GABRR3: variants seen among roughly 807,000 people sequenced by gnomAD.
GABRR3 encodes the protein gamma-aminobutyric acid type A receptor subunit rho3, also known as gamma-aminobutyric acid receptor subunit rho-3.
Under a neutral mutation model 43.2 loss-of-function variants are expected in GABRR3, and 29 were observed. That is an observed-to-expected ratio of 0.67 (90% CI 0.50 to 0.92). The LOEUF (loss-of-function observed/expected upper bound fraction) is 0.92. Among genes scored for constraint, GABRR3 ranks in the 40% least tolerant of loss-of-function variants. GABRR3 has a pLI of 0.00. For synonymous variants in GABRR3, 206 were observed against 195.9 expected (o/e 1.05, Z -0.43); for missense variants, 576 against 572.3 (o/e 1.01, Z -0.07).
At chr3:98,028,773 C>G (rs1189890761) in intron 2 of GABRR3, among the ~76,000 whole-genome samples, 1 of 152,084 alleles carries the variant, frequency 6.6e-6, no homozygotes, top group African/African-American at 2.4e-5. Context: ...CCCTCAGATA[C>G]CTTGCATCTA....
chr3:98,006,171 T>C (rs1706722373), intron 7 of GABRR3, among the ~76,000 whole-genome samples: 1 of 152,070 alleles, frequency 6.6e-6, no homozygotes, highest in African/African-American at 2.4e-5. Context: ...AGTTTATCTC[T>C]ATGAGGTAGG....
chr3:97,987,192 C>T (rs149823727), intron 9 of GABRR3, among the ~76,000 whole-genome samples: 1 of 152,262 alleles, frequency 6.6e-6, no homozygotes, highest in East Asian at 1.9e-4. Flanking sequence ...AAAACCATGT[C>T]ATCGGTGATC....
At chr3:97,988,031 A>T (rs1706409397) in intron 9 of GABRR3, among the ~76,000 whole-genome samples, 1 of 151,864 alleles carries the variant, frequency 6.6e-6, no homozygotes, top group South Asian at 2.1e-4. Context: ...CAACACCAAC[A>T]CCAGGGCATA....
chr3:97,997,075 C>A (rs368511179), intron 8 of GABRR3, among the ~76,000 whole-genome samples: 1 of 152,074 alleles, frequency 6.6e-6, no homozygotes, highest in African/African-American at 2.4e-5. Context: ...AGCTCACATT[C>A]TAATAGAGGT....
At chr3:98,007,692 G>C (rs943251887) in intron 7 of GABRR3, 72 bp downstream of exon 7, 4 of 1,538,728 alleles carry the variant, frequency 2.6e-6, no homozygotes, top group East Asian at 2.3e-5. Context: ...CGGTCTTTTC[G>C]CATGTTGTGG....
chr3:97,996,563 C>A lies in GABRR3; in HGVS notation c.908-3515G>T, dbSNP rs531497161. 2.0e-5 allele frequency among the ~76,000 whole-genome samples: 3 copies of A among 152,244 alleles called. No homozygotes were observed. The East Asian group carries it at 5.8e-4, about 29-fold the overall frequency. Reference sequence around the variant, plus strand: ...ATATCTGTTTTCCAGTAAAGGAGCCCATTACTTAATTCATTCTGTAGAGAA... The same window carrying A: ...ATATCTGTTTTCCAGTAAAGGAGCCAATTACTTAATTCATTCTGTAGAGAA... On this transcript the variant is annotated intron_variant, in intron 8 of 9. Coordinates refer to ENST00000621172, the Ensembl canonical transcript of GABRR3.
intron 3 of GABRR3, among the ~76,000 whole-genome samples, chr3:98,023,479 T>C (rs959038496): frequency 3.3e-5 from 5 of 152,080 alleles, no homozygotes; most frequent in Admixed American, 2.6e-4. Context: ...CTGCTTGTTA[T>C]ATGGTGGTAG....
chr3:97,997,904 C>CATTACACATT (rs1706584288), intron 8 of GABRR3: 1 of 152,116 alleles, frequency 6.6e-6, no homozygotes, highest in Non-Finnish European at 1.5e-5. Context: ...AATACTTACA[C>CATTACACATT]ACAAATTTAA....
At position 98,012,446 on chromosome 3, in the gene GABRR3, T is replaced by A. The variant is rs374412854; in HGVS notation, c.428A>T (p.Asp143Val). 2.4e-5 allele frequency: 39 copies of A among 1,613,952 alleles called. No individual in the cohort carries two copies. The highest frequency in any genetic ancestry group is 3.3e-5 in the Non-Finnish European group (39 of 1,179,836). The change falls in exon 5 of 10, where the codon GAT becomes GTT. Residue 143 changes from aspartate (D) to valine (V), a missense_variant. By Grantham distance (152) the Asp-to-Val change is radical. Coordinates refer to ENST00000621172, the Ensembl canonical transcript of GABRR3. The stretch of plus-strand genomic sequence containing the variant: ...TCTTTTAGAGTGGACAAAAAAGATA[T>A]CAGGCACCCAGATCTTTCTGGTCAA...
intron 9 of GABRR3, among the ~76,000 whole-genome samples, chr3:97,989,457 TG>T (rs1366494994): frequency 7.0e-6 from 1 of 142,576 alleles, no homozygotes. Flanking sequence ...TGGTGGGTGG[TG>T]GTGGTGGTGG....
chr3:98,006,193 A>G (rs1187285879), intron 7 of GABRR3, among the ~76,000 whole-genome samples: 1 of 151,992 alleles, frequency 6.6e-6, no homozygotes, highest in Non-Finnish European at 1.5e-5. Context: ...TTACAAAGAG[A>G]TTTTCCTTTA....
At chr3:98,004,243 T>A (rs1413730455) in intron 7 of GABRR3, among the ~76,000 whole-genome samples, 1 of 152,220 alleles carries the variant, frequency 6.6e-6, no homozygotes, top group Non-Finnish European at 1.5e-5. Flanking sequence ...AGCTACTAAC[T>A]AATATTTATT....
intron 8 of GABRR3, chr3:97,999,889 G>C (rs1706614370): frequency 6.6e-6 from 1 of 152,106 alleles, no homozygotes; most frequent in Non-Finnish European, 1.5e-5. Context: ...GTCAAATGCT[G>C]TGGAGAAGGT....
chr3:97,988,840 T>C (rs1049405173), intron 9 of GABRR3, among the ~76,000 whole-genome samples: 3 of 148,552 alleles, frequency 2.0e-5, no homozygotes, highest in African/African-American at 7.5e-5. Context: ...TGGTGGATGG[T>C]GACAGTTGAT....
chr3:98,017,571 T>G (rs970763486), intron 4 of GABRR3, 84 bp downstream of exon 4: 11 of 920,156 alleles, frequency 1.2e-5, no homozygotes, highest in African/African-American at 1.7e-5. Context: ...ATAATTAAAA[T>G]GATTTATTAA....
intron 2 of GABRR3, among the ~76,000 whole-genome samples, chr3:98,028,353 T>C (rs2107251182): frequency 6.6e-6 from 1 of 152,362 alleles, no homozygotes; most frequent in African/African-American, 2.4e-5. Flanking sequence ...CAAAGCAACT[T>C]AATTACTTAA....
At chr3:98,015,801 G>C (rs1359909901) in intron 4 of GABRR3, among the ~76,000 whole-genome samples, 1 of 152,212 alleles carries the variant, frequency 6.6e-6, no homozygotes, top group Non-Finnish European at 1.5e-5. Flanking sequence ...TTGGATGTTT[G>C]TTCCCTCCAA....
At chr3:98,004,645 T>C (rs1274449006) in intron 7 of GABRR3, among the ~76,000 whole-genome samples, 2 of 151,442 alleles carry the variant, frequency 1.3e-5, no homozygotes, top group African/African-American at 4.9e-5. Flanking sequence ...GTGGTGATTT[T>C]TGAACAGTGG....
intron 7 of GABRR3, among the ~76,000 whole-genome samples, chr3:98,007,360 G>A (rs1294322642): frequency 4.6e-5 from 7 of 152,134 alleles, no homozygotes; most frequent in Admixed American, 4.6e-4. Context: ...TGTCGGGAGA[G>A]TAGCAGGTGG....
Sources: gnomAD v4.1 joint callset for allele counts (sites outside exome capture counted in the v4.1 genomes callset) on GRCh38, gnomAD v4.1.1 for gene constraint, MANE v1.5 for transcripts, NCBI Gene and HGNC (gene_info 2026-07-23, HGNC 2026-07-21) for gene names.